Variants in PGGT1B observed in about 807,000 individuals in gnomAD.
The protein encoded by PGGT1B is protein geranylgeranyltransferase type I subunit beta.
PGGT1B carries 30 observed loss-of-function variants against 46.1 expected under a neutral mutation model. The ratio of observed to expected loss-of-function variants is 0.65; its 90% CI spans 0.49 to 0.88. The LOEUF (loss-of-function observed/expected upper bound fraction) is 0.88. PGGT1B is among the 40% of genes least tolerant of loss of function. The pLI is 0.00. For missense variants in PGGT1B, 376 were observed against 455.9 expected, an observed-to-expected ratio of 0.82 and a Z score of 1.60; for synonymous variants, 170 against 160.0, an observed-to-expected ratio of 1.06 and a Z score of -0.47.
chr5:115,245,423 A>C (rs1188503085), intron 2 of PGGT1B, among the ~76,000 whole-genome samples: 5 of 152,224 alleles, frequency 3.3e-5, no homozygotes. Context: ...GGACACTTGG[A>C]ATCAAACTCA....
intron 1 of PGGT1B, among the ~76,000 whole-genome samples, chr5:115,255,026 T>G (rs931778826): frequency 1.3e-5 from 2 of 152,192 alleles, no homozygotes; most frequent in African/African-American, 4.8e-5. Context: ...ACTGACCACA[T>G]GACTCTGGGC....
chr5:115,241,498 C>A lies in PGGT1B; in HGVS notation c.327+41G>T, dbSNP rs147314136. The A allele has an allele frequency of 7.4e-5, 94 of 1,271,590 alleles. 1 individual carries two copies. The East Asian group carries it at 2.3e-3, about 31-fold the overall frequency. The allele number at this position is 1,271,590 out of a possible 1,614,324, so 78.8% of individuals were successfully genotyped here. Reference sequence around the variant, plus strand: ...AGTTTTCTCTTTTATTAAAATATCCCTACATCCCTTCTACTTCCTTCTGAA... The same window carrying A: ...AGTTTTCTCTTTTATTAAAATATCCATACATCCCTTCTACTTCCTTCTGAA... On this transcript the variant is annotated intron_variant, in intron 3 of 8. Transcript: ENST00000419445.
intron 1 of PGGT1B, among the ~76,000 whole-genome samples, 180 bp from the exon 2 acceptor site, chr5:115,253,435 G>T (rs1471816755): frequency 6.6e-6 from 1 of 151,812 alleles, no homozygotes; most frequent in Non-Finnish European, 1.5e-5. Context: ...TATCAGTCAA[G>T]CCTTTTGTTT....
rs1011102889 is a variant in PGGT1B, at chr5:115,250,746, C to G, written c.259+2391G>C. Among the ~76,000 whole-genome samples, 11 of 152,270 alleles carry G rather than the reference C, an allele frequency of 7.2e-5. 1 individual carries two copies. Among genetic ancestry groups the G allele is most frequent in the Admixed American group, 2.0e-4 (3 of 15,294 alleles). On this transcript the variant is annotated intron_variant, in intron 2 of 8. Transcript: ENST00000419445. ...TTTCAAAATAAACTCACCTGTATAA[C>G]CAGCACTCAGCTCAAGAAAAAGTAC...
chr5:115,260,399 T>A (rs1748504548), intron 1 of PGGT1B, among the ~76,000 whole-genome samples: 1 of 152,144 alleles, frequency 6.6e-6, no homozygotes. Flanking sequence ...ACTCTATGAA[T>A]GACTGTGGAA....
intron 7 of PGGT1B, among the ~76,000 whole-genome samples, chr5:115,219,724 G>T (rs1436473825): frequency 6.6e-6 from 1 of 151,686 alleles, no homozygotes; most frequent in Non-Finnish European, 1.5e-5. Context: ...CAGAATATAT[G>T]AACTCCCACA....
intron 5 of PGGT1B, among the ~76,000 whole-genome samples, chr5:115,235,514 C>T (rs1757154247): frequency 6.6e-6 from 1 of 152,072 alleles, no homozygotes; most frequent in African/African-American, 2.4e-5. Flanking sequence ...GCATATGCCA[C>T]CTTAACCAAG....
chr5:115,213,785 C>T (rs1234979464), intron 8 of PGGT1B, among the ~76,000 whole-genome samples: 1 of 152,012 alleles, frequency 6.6e-6, no homozygotes, highest in Non-Finnish European at 1.5e-5. Flanking sequence ...ACAACAACAA[C>T]AAAAAGTTCA....
Position 115,237,848 on chromosome 5 carries a change from T to A in PGGT1B, c.479+10A>T. 1 of 1,592,520 alleles carries A rather than the reference T, an allele frequency of 6.3e-7. No homozygotes were observed. Among genetic ancestry groups the A allele is most frequent in the Non-Finnish European group, 8.5e-7 (1 of 1,174,556 alleles). The stretch of plus-strand genomic sequence containing the variant: ...TTATTACAAAAAAAGTAACAAAGAA[T>A]CACTCATACCTCCCATCTTCCAGCT... On this transcript the variant is annotated intron_variant, in intron 4 of 8. Transcript: ENST00000419445.
At chr5:115,229,610 T>C (rs1269110771) in intron 6 of PGGT1B, among the ~76,000 whole-genome samples, 1 of 152,094 alleles carries the variant, frequency 6.6e-6, no homozygotes, top group Non-Finnish European at 1.5e-5. Context: ...ATAATCCCAA[T>C]GTCTTGGAAA....
At chr5:115,227,882 A>G (rs1756839376) in intron 6 of PGGT1B, among the ~76,000 whole-genome samples, 1 of 152,188 alleles carries the variant, frequency 6.6e-6, no homozygotes, top group East Asian at 1.9e-4. Context: ...GCAGCTGGTT[A>G]ATAAATACAT....
chr5:115,244,253 C>G (rs989737376), intron 2 of PGGT1B, among the ~76,000 whole-genome samples: 1 of 151,874 alleles, frequency 6.6e-6, no homozygotes, highest in Non-Finnish European at 1.5e-5. Context: ...ATCACGAGGT[C>G]AGGAGATCAA....
intron 6 of PGGT1B, among the ~76,000 whole-genome samples, chr5:115,223,234 T>G (rs1756643072): frequency 6.6e-6 from 1 of 152,156 alleles, no homozygotes; most frequent in African/African-American, 2.4e-5. Context: ...CCATACCCAC[T>G]GCGTAGGCTG....
chr5:115,246,397 G>A (rs115935550), intron 2 of PGGT1B, among the ~76,000 whole-genome samples: 1,579 of 151,540 alleles, frequency 0.01, 31 homozygotes, highest in African/African-American at 0.036. Flanking sequence ...TATTTATTAG[G>A]TACTCTTTTG....
chr5:115,238,716 A>T lies in PGGT1B; in HGVS notation c.328-707T>A, dbSNP rs116378269. On this transcript the variant is annotated intron_variant, in intron 3 of 8. Transcript: ENST00000419445. ...CTTTTACAATCATTGAAATGCATAAAATCCTGGTTCTATTTCTCACTGGCT... is the reference window on the plus strand; with the variant it reads ...CTTTTACAATCATTGAAATGCATAATATCCTGGTTCTATTTCTCACTGGCT... Among the ~76,000 whole-genome samples, 410 of 152,306 alleles carry T rather than the reference A, an allele frequency of 2.7e-3. 5 individuals are homozygous for T. The highest frequency in any genetic ancestry group is 9.6e-3 in the African/African-American group (397 of 41,550).
rs1756186251 is a variant in PGGT1B, at chr5:115,210,331, T to C, written c.*2071A>G. On this transcript the variant is annotated 3_prime_UTR_variant, in exon 9 of 9. Coordinates refer to ENST00000419445, the MANE Select transcript of PGGT1B (RefSeq NM_005023.4). ...GGAATAAAGTGTATATGTGAAATAT[T>C]GCTTATAATTTATTTAATCGATAAA... 6.6e-6 allele frequency: 1 copy of C among 152,146 alleles called. No individual in the cohort carries two copies. The highest frequency in any genetic ancestry group is 1.5e-5 in the Non-Finnish European group (1 of 67,992). 9.4% of individuals were successfully genotyped at this position (152,146 alleles called of 1,614,324 possible).
intron 7 of PGGT1B, among the ~76,000 whole-genome samples, chr5:115,219,792 C>G (rs1756531977): frequency 6.6e-6 from 1 of 151,650 alleles, no homozygotes; most frequent in African/African-American, 2.4e-5. Flanking sequence ...ATAGATATAT[C>G]TCCCAAGAAG....
rs1262353436 is a variant in PGGT1B, at chr5:115,207,040, C to CG, written c.*5361_*5362insC. The stretch of plus-strand genomic sequence containing the variant: ...TGGTGGAATCTACATTTTTGCCTCT[C>CG]AAGAGTTTTTTTAGTTTTCCTCATA... On this transcript the variant is annotated 3_prime_UTR_variant, in exon 9 of 9. Transcript: ENST00000419445. 6.6e-6 allele frequency: 1 copy of CG among 151,444 alleles called. No individual in the cohort carries two copies. Among genetic ancestry groups the CG allele is most frequent in the African/African-American group, 2.4e-5 (1 of 41,282 alleles). The allele number at this position is 151,444 out of a possible 1,614,324, so 9.4% of individuals were successfully genotyped here.
At chr5:115,214,379 G>A (rs1007708798) in intron 8 of PGGT1B, among the ~76,000 whole-genome samples, 1 of 152,080 alleles carries the variant, frequency 6.6e-6, no homozygotes, top group East Asian at 1.9e-4. Context: ...CCATAATAAA[G>A]CACTTTAGAT....
Sources: gnomAD v4.1 joint callset for allele counts (sites outside exome capture counted in the v4.1 genomes callset) on GRCh38, gnomAD v4.1.1 for gene constraint, MANE v1.5 for transcripts, NCBI Gene and HGNC (gene_info 2026-07-23, HGNC 2026-07-21) for gene names.